Variants in B4GALT2 observed in about 807,000 individuals in gnomAD.
B4GALT2 encodes N-acetyllactosamine synthase.
B4GALT2 carries 18 observed loss-of-function variants against 33.2 expected under a neutral mutation model. The ratio of observed to expected loss-of-function variants is 0.54; its 90% CI spans 0.38 to 0.80. The LOEUF (loss-of-function observed/expected upper bound fraction) is 0.80, where lower values mean the gene tolerates loss of function less well. Ranked by LOEUF, B4GALT2 falls within the 30% of genes least tolerant of loss-of-function variation. The probability of loss-of-function intolerance (pLI) is 0.00; values close to 1 mark genes in which losing one functional copy is unlikely to be tolerated. For synonymous variants in B4GALT2, 214 were observed against 217.6 expected (o/e 0.98, Z 0.15); for missense variants, 404 against 526.2 (o/e 0.77, Z 2.27).
Position 43,990,459 on chromosome 1 carries a change from C to T in B4GALT2, c.*11C>T. The T allele has an allele frequency of 6.2e-7, 1 of 1,614,078 alleles. No individual in the cohort carries two copies. Among genetic ancestry groups the T allele is most frequent in the Middle Eastern group, 1.7e-4 (1 of 6,014 alleles). On this transcript the variant is annotated 3_prime_UTR_variant, in exon 7 of 7. Transcript: ENST00000372324. ...CCCCCTCGGGGCTGACACTAATGGACAGAGGCTCTCGGTGCCGAAGATTGC... is the reference window on the plus strand; with the variant it reads ...CCCCCTCGGGGCTGACACTAATGGATAGAGGCTCTCGGTGCCGAAGATTGC...
chr1:43,990,419 C>T lies in B4GALT2; in HGVS notation c.1090C>T (p.Arg364Trp), dbSNP rs753720865. ...LFTNITVDIGRPPSWPPRG is the reference protein window; with the variant it reads ...LFTNITVDIGWPPSWPPRG ...CACCAATATCACAGTGGACATTGGG[C>T]GGCCTCCGTCGTGGCCCCCTCGGGG... is the stretch of plus-strand genomic sequence containing the variant. The change falls in exon 7 of 7, where the codon CGG (arginine) becomes TGG (tryptophan). Residue 364 changes from arginine (R) to tryptophan (W), a missense_variant. By Grantham distance (101) the Arg-to-Trp change is moderately radical. Transcript: ENST00000372324. 5.6e-6 allele frequency: 9 copies of T among 1,613,934 alleles called. No homozygotes were observed. Among genetic ancestry groups the T allele is most frequent in the Admixed American group, 1.7e-5 (1 of 59,986 alleles).
chr1:43,987,539 G>A lies in B4GALT2; in HGVS notation c.968+1918G>A, dbSNP rs138431517. ...ACCCTACATATCCAAACCCATCAGC[G>A]AGTAATATCACTGCCACCCCTAAAA... On this transcript the variant is annotated intron_variant, in intron 6 of 6. Transcript: ENST00000372324. 2.0e-4 allele frequency among the ~76,000 whole-genome samples: 31 copies of A among 152,224 alleles called. 1 individual carries two copies. In the East Asian group the frequency reaches 5.4e-3, roughly 27 times the overall value.
intron 6 of B4GALT2, among the ~76,000 whole-genome samples, chr1:43,987,053 G>A (rs1437231771): frequency 6.6e-6 from 1 of 152,106 alleles, no homozygotes; most frequent in Non-Finnish European, 1.5e-5. Context: ...GGCACAGGGA[G>A]CTGATGAAAA....
At position 43,981,332 on chromosome 1, in the gene B4GALT2, G is replaced by T; in HGVS notation, c.172G>T (p.Ala58Ser). 1.2e-6 allele frequency: 2 copies of T among 1,601,560 alleles called. No individual in the cohort carries two copies. Among genetic ancestry groups the T allele is most frequent in the South Asian group, 1.1e-5 (1 of 91,074 alleles). The change falls in exon 2 of 7, where the codon GCT (alanine) becomes TCT (serine). Residue 58 changes from alanine to serine, a missense_variant. Coordinates refer to ENST00000372324, the MANE Select transcript of B4GALT2 (RefSeq NM_003780.5). This position sits in a 1 kb window ranked among gnomAD's most constrained non-coding sequence, Gnocchi z 8.1. Reference protein sequence around the residue: ...RGPAHALHPAASSSSSSSNCS... With the variant: ...RGPAHALHPASSSSSSSSNCS... Reference sequence around the variant, plus strand: ...CCCTGCCCATGCCCTCCACCCAGCTGCTAGCAGCAGCAGCAGCAGCAGCAA... The same window carrying T: ...CCCTGCCCATGCCCTCCACCCAGCTTCTAGCAGCAGCAGCAGCAGCAGCAA...
At position 43,985,381 on chromosome 1, in the gene B4GALT2, G is replaced by A; in HGVS notation, c.844G>A (p.Asp282Asn). 6.5e-7 allele frequency: 1 copy of A among 1,548,996 alleles called. No individual in the cohort carries two copies. Among genetic ancestry groups the A allele is most frequent in the Non-Finnish European group, 8.7e-7 (1 of 1,144,444 alleles). The change falls in exon 5 of 7, where the codon GAT (aspartate) becomes AAT (asparagine). Residue 282 changes from aspartate to asparagine, a missense_variant. Coordinates refer to ENST00000372324, the MANE Select transcript of B4GALT2 (RefSeq NM_003780.5). ...TGAGTACTGGGGCTGGGGTGGCGAG[G>A]ATGATGACATCTTCAACCGGTGAGT... ...PNEYWGWGGE[D>N]DDIFNRISLT...
rs1329658563 is a variant in B4GALT2 at position 43,982,653 on chromosome 1, G to A, written c.549+729G>A. ...GTGTTCACGAACTATTGGCTGAGGT[G>A]TGGTGTCCAGCATGTGGACTGGGTA... is the stretch of plus-strand genomic sequence containing the variant. On this transcript the variant is annotated intron_variant, in intron 3 of 6. Transcript: ENST00000372324. The surrounding 1 kb of genome is among the most constrained non-coding windows in gnomAD (Gnocchi z 4.3). Among the ~76,000 whole-genome samples, 4 of 152,266 alleles carry A rather than the reference G, an allele frequency of 2.6e-5. No individual in the cohort carries two copies. Among genetic ancestry groups the A allele is most frequent in the Non-Finnish European group, 5.9e-5 (4 of 68,046 alleles).
chr1:43,990,512 T>A lies in B4GALT2; in HGVS notation c.*64T>A. On this transcript the variant is annotated 3_prime_UTR_variant, in exon 7 of 7. Transcript: ENST00000372324. ...GCCAGAGGACTGACCACAGCCTGGCTGGCAGCTGCTCTGTGGAGGACCTCC... is the reference window on the plus strand; with the variant it reads ...GCCAGAGGACTGACCACAGCCTGGCAGGCAGCTGCTCTGTGGAGGACCTCC... 6.3e-7 allele frequency: 1 copy of A among 1,597,082 alleles called. No individual in the cohort carries two copies. Among genetic ancestry groups the A allele is most frequent in the Non-Finnish European group, 8.6e-7 (1 of 1,168,206 alleles).
intron 1 of B4GALT2, chr1:43,980,285 T>C: frequency 2.3e-6 from 1 of 433,482 alleles, no homozygotes; most frequent in Non-Finnish European, 3.9e-6. Flanking sequence ...TGTGCCCATC[T>C]CCAGGCCCAA....
intron 1 of B4GALT2, chr1:43,980,456 C>A: frequency 1.4e-6 from 1 of 719,548 alleles, no homozygotes; most frequent in Non-Finnish European, 1.7e-6. Context: ...TGTAAACATC[C>A]AGTCTGTATT....
chr1:43,987,353 C>T (rs72683973), intron 6 of B4GALT2, among the ~76,000 whole-genome samples: 11,663 of 152,144 alleles, frequency 0.077, 545 homozygotes, highest in Middle Eastern at 0.17. Flanking sequence ...TAGCACAAGT[C>T]ACAGAGCAGC....
At chr1:43,980,470 G>GC (rs1340248263) in intron 1 of B4GALT2, 1 of 843,802 alleles carries the variant, frequency 1.2e-6, no homozygotes, top group Non-Finnish European at 1.4e-6. Flanking sequence ...CTGTATTTGG[G>GC]CCCCCCGGAT....
Position 43,982,937 on chromosome 1 carries a change from C to T in B4GALT2, c.549+1013C>T, listed in dbSNP as rs143919644. On this transcript the variant is annotated intron_variant, in intron 3 of 6. Transcript: ENST00000372324. The surrounding 1 kb of genome is among the most constrained non-coding windows in gnomAD (Gnocchi z 4.3). ...GCGGTGACCCTGCGGATGTGTGGGGCGGGAGTCGCGGGGAAGAAGTGGGGT... is the reference window on the plus strand; with the variant it reads ...GCGGTGACCCTGCGGATGTGTGGGGTGGGAGTCGCGGGGAAGAAGTGGGGT... Among the ~76,000 whole-genome samples, 237 of 152,104 alleles carry T rather than the reference C, an allele frequency of 1.6e-3. 1 individual carries two copies. Among genetic ancestry groups the T allele is most frequent in the African/African-American group, 5.2e-3 (214 of 41,502 alleles).
intron 6 of B4GALT2, among the ~76,000 whole-genome samples, chr1:43,986,376 A>G (rs1007577883): frequency 6.6e-6 from 1 of 152,192 alleles, no homozygotes; most frequent in Non-Finnish European, 1.5e-5. Flanking sequence ...GGGACTGGTG[A>G]TGGAAGCCTT....
At position 43,985,521 on chromosome 1, in the gene B4GALT2, T is replaced by A. The variant is rs1230375925; in HGVS notation, c.868T>A (p.Ser290Thr). Residue 290 changes from serine (S) to threonine (T), a missense_variant, in exon 6 of 7, where the codon TCC (serine) becomes ACC (threonine). Transcript: ENST00000372324. ...TCTGTCCGTCCCCATCCTCAGGATC[T>A]CCCTGACTGGGATGAAGATCTCACG... ...GEDDDIFNRI[S>T]LTGMKISRPD... is the part of the protein sequence containing the mutation. 1 of 1,609,700 alleles carries A rather than the reference T, an allele frequency of 6.2e-7. No homozygotes were observed. The highest frequency in any genetic ancestry group is 8.5e-7 in the Non-Finnish European group (1 of 1,178,628).
chr1:43,985,590 C>T lies in B4GALT2; in HGVS notation c.937C>T (p.Arg313Cys), dbSNP rs1384842933. Residue 313 changes from arginine to cysteine, a missense_variant, in exon 6 of 7, where the codon CGC becomes TGC. Transcript: ENST00000372324. ...CCGCTACCGCATGATCAAGCACGAC[C>T]GCGACAAGCATAACGAACCTAACCC... ...IGRYRMIKHD[R>C]DKHNEPNPQR... 11 of 1,613,880 alleles carry T rather than the reference C, an allele frequency of 6.8e-6. No homozygotes were observed. The highest frequency in any genetic ancestry group is 2.2e-5 in the East Asian group (1 of 44,870).
rs1484095058 is a variant in B4GALT2, at chr1:43,982,764, A to G, written c.549+840A>G. On this transcript the variant is annotated intron_variant, in intron 3 of 6. Coordinates refer to ENST00000372324, the MANE Select transcript of B4GALT2 (RefSeq NM_003780.5). The surrounding 1 kb of genome is among the most constrained non-coding windows in gnomAD (Gnocchi z 4.3). ...GCAGTAAGTCCAGCGCAAAAGTGACAGGGCACCATGTAAGGTTGTAAGGAG... is the reference window on the plus strand; with the variant it reads ...GCAGTAAGTCCAGCGCAAAAGTGACGGGGCACCATGTAAGGTTGTAAGGAG... Among the ~76,000 whole-genome samples the G allele has an allele frequency of 6.6e-6, 1 of 152,240 alleles. No individual in the cohort carries two copies. Among genetic ancestry groups the G allele is most frequent in the African/African-American group, 2.4e-5 (1 of 41,454 alleles).
At chr1:43,985,122 C>A in intron 4 of B4GALT2, 67 bp downstream of exon 4, 1 of 1,587,382 alleles carries the variant, frequency 6.3e-7, no homozygotes, top group Non-Finnish European at 8.6e-7. Context: ...CACTTCCAGC[C>A]CCCGAGCCCC....
chr1:43,986,120 T>G (rs1350890389), intron 6 of B4GALT2: 1 of 166,458 alleles, frequency 6.0e-6, no homozygotes, highest in East Asian at 1.7e-4. Context: ...GATGTATCTC[T>G]TAGGAGGTAG....
In B4GALT2 at chr1:43,982,032, A is replaced by T; in HGVS notation, c.549+108A>T. On this transcript the variant is annotated intron_variant, in intron 3 of 6. Coordinates refer to ENST00000372324, the MANE Select transcript of B4GALT2 (RefSeq NM_003780.5). This position sits in a 1 kb window ranked among gnomAD's most constrained non-coding sequence, Gnocchi z 4.3. ...TATGTGGATGGACCTGGGCGTGGGTAGTCGGTGTTTGTCAGTGTGCACAGG... is the reference window on the plus strand; with the variant it reads ...TATGTGGATGGACCTGGGCGTGGGTTGTCGGTGTTTGTCAGTGTGCACAGG... The T allele has an allele frequency of 8.8e-7, 1 of 1,137,376 alleles. No individual in the cohort carries two copies. The allele number at this position is 1,137,376 out of a possible 1,614,324, so 70.5% of individuals were successfully genotyped here.
Sources: allele counts gnomAD v4.1 joint callset (sites outside exome capture counted in the v4.1 genomes callset), GRCh38; gene constraint gnomAD v4.1.1; non-coding constraint Gnocchi (gnomAD v3.1); transcripts MANE v1.5; gene names NCBI Gene and HGNC (gene_info 2026-07-23, HGNC 2026-07-21).